Variants in ZNF678 observed in about 807,000 individuals in gnomAD.
The protein encoded by ZNF678 is hypothetical protein MGC42493.
In ZNF678, 5 loss-of-function variants were observed where a neutral mutation model predicts 3.0. The observed-to-expected ratio is 1.69, with a 90% CI of 0.88 to 3.56. ZNF678 has a LOEUF of 3.56. ZNF678 is among the 30% of genes most tolerant of loss of function. The probability of loss-of-function intolerance (pLI) is 0.00; values close to 1 mark genes in which losing one functional copy is unlikely to be tolerated. For missense variants in ZNF678, 593 were observed against 605.0 expected, an observed-to-expected ratio of 0.98 and a Z score of 0.21; for synonymous variants, 218 against 199.6, an observed-to-expected ratio of 1.09 and a Z score of -0.78.
At chr1:227,626,782 G>T (rs1353545281) in intron 1 of ZNF678, among the ~76,000 whole-genome samples, 1 of 152,026 alleles carries the variant, frequency 6.6e-6, no homozygotes, top group Non-Finnish European at 1.5e-5. Context: ...TCCGGGCTCA[G>T]TGTAAGTGAT....
chr1:227,630,179 C>T (rs6664682), intron 1 of ZNF678, among the ~76,000 whole-genome samples: 73,003 of 151,846 alleles, frequency 0.48, 18,702 homozygotes, highest in African/African-American at 0.66. Flanking sequence ...CAATGCCTCC[C>T]TTAGTCTCTC....
At position 227,594,201 on chromosome 1, in the gene ZNF678, C is replaced by G. The variant is rs1657501861; in HGVS notation, c.-164+30477C>G. Among the ~76,000 whole-genome samples the G allele has an allele frequency of 1.3e-5, 2 of 152,080 alleles. 1 individual carries two copies. Among genetic ancestry groups the G allele is most frequent in the South Asian group, 4.1e-4 (2 of 4,820 alleles). ...GCACCTATTTTTATTAGTTTTTAAA[C>G]CAAAGAAAGCCAGATACCATTTTAC... is the stretch of plus-strand genomic sequence containing the variant. On this transcript the variant is annotated intron_variant, in intron 1 of 3. Transcript: ENST00000343776.
intron 5 of ZNF678, among the ~76,000 whole-genome samples, chr1:227,672,577 C>T (rs536859086): frequency 7.9e-5 from 12 of 152,244 alleles, no homozygotes; most frequent in Admixed American, 2.6e-4. Context: ...AGGGTCAGGT[C>T]GGTCTGGTTC....
chr1:227,588,170 T>C (rs923310405), intron 1 of ZNF678, among the ~76,000 whole-genome samples: 48 of 152,194 alleles, frequency 3.2e-4, no homozygotes, highest in South Asian at 4.1e-4. Context: ...TCTCATTCCT[T>C]TTTATGGCTG....
In ZNF678 at chr1:227,638,006, A is replaced by G. The variant is rs1470195960; in HGVS notation, c.-163-8538A>G. 6.6e-6 allele frequency among the ~76,000 whole-genome samples: 1 copy of G among 152,128 alleles called. No individual in the cohort carries two copies. The highest frequency in any genetic ancestry group is 6.5e-5 in the Admixed American group (1 of 15,270). On this transcript the variant is annotated intron_variant, in intron 1 of 3. Transcript: ENST00000343776. This position sits in a 1 kb window ranked among gnomAD's most constrained non-coding sequence, Gnocchi z 4.2. ...TGTCGAAGTCTCTTTGGGAGGGGCT[A>G]CACAGGAGCAGATTGTTAACATATT...
rs1188669750 is a variant in ZNF678, at chr1:227,655,298, A to G, written c.1048A>G (p.Lys350Glu). ...AATTCATACTGGAGAGAAACCCTAC[A>G]AATGTGAAGAATGTGGCAGAACCTT... ...KRIHTGEKPY[K>E]CEECGRTFTQ... The change falls in exon 4 of 4, where the codon AAA becomes GAA. Residue 350 changes from lysine to glutamate, a missense_variant. Transcript: ENST00000343776. 6 of 1,611,156 alleles carry G rather than the reference A, an allele frequency of 3.7e-6. No individual in the cohort carries two copies. The highest frequency in any genetic ancestry group is 4.2e-6 in the Non-Finnish European group (5 of 1,178,272).
At chr1:227,623,601 A>T (rs1448022377) in intron 1 of ZNF678, among the ~76,000 whole-genome samples, 1 of 152,230 alleles carries the variant, frequency 6.6e-6, no homozygotes, top group Non-Finnish European at 1.5e-5. Flanking sequence ...TTGCATATAC[A>T]TAAACCATTT....
Position 227,659,945 on chromosome 1 carries a change from ACTAATTCCTCCTAG to A in ZNF678, c.*4122_*4135del, listed in dbSNP as rs1371006930. Reference sequence around the variant, plus strand: ...CTCTGCACTACAATAGGTCTCTTGAACTAATTCCTCCTAGCTAACAGGCATTGTTTATCATTTAA... The same window carrying A: ...CTCTGCACTACAATAGGTCTCTTGAACTAACAGGCATTGTTTATCATTTAA... On this transcript the variant is annotated 3_prime_UTR_variant, in exon 4 of 4. Coordinates refer to ENST00000343776, the MANE Select transcript of ZNF678 (RefSeq NM_001367909.1). 1.3e-5 allele frequency: 2 copies of A among 151,986 alleles called. No individual in the cohort carries two copies. Among genetic ancestry groups the A allele is most frequent in the Non-Finnish European group, 2.9e-5 (2 of 67,996 alleles). The allele number at this position is 151,986 out of a possible 1,614,324, so 9.4% of individuals were successfully genotyped here.
At chr1:227,653,544 A>G (rs1351728586) in intron 3 of ZNF678, among the ~76,000 whole-genome samples, 1 of 151,892 alleles carries the variant, frequency 6.6e-6, no homozygotes, top group Non-Finnish European at 1.5e-5. Flanking sequence ...CATATGTTGT[A>G]ATCTTTGGTT....
Position 227,660,107 on chromosome 1 carries a change from C to CT in ZNF678, c.*4282dup, listed in dbSNP as rs2102813389. Reference sequence around the variant, plus strand: ...GTGAGTGAGACCATGAGGTATTCATCTTTCTGTGTTCTGCTCCATTGGTCT... The same window carrying CT: ...GTGAGTGAGACCATGAGGTATTCATCTTTTCTGTGTTCTGCTCCATTGGTCT... On this transcript the variant is annotated 3_prime_UTR_variant, in exon 4 of 4. Coordinates refer to ENST00000343776, the MANE Select transcript of ZNF678 (RefSeq NM_001367909.1). 6.6e-6 allele frequency: 1 copy of CT among 152,190 alleles called. No homozygotes were observed. Among genetic ancestry groups the CT allele is most frequent in the South Asian group, 2.1e-4 (1 of 4,818 alleles). The allele number at this position is 152,190 out of a possible 1,614,324, so 9.4% of individuals were successfully genotyped here.
In ZNF678 at chr1:227,646,864, G is replaced by A. The variant is rs1433253184; in HGVS notation, c.-37+194G>A. The stretch of plus-strand genomic sequence containing the variant: ...GTTTCATCTTGACATAAATTTTAAG[G>A]TGGTCTAAATTCTTCACTCTAGATG... On this transcript the variant is annotated intron_variant, in intron 2 of 3. Coordinates refer to ENST00000343776, the MANE Select transcript of ZNF678 (RefSeq NM_001367909.1). 3.9e-5 allele frequency among the ~76,000 whole-genome samples: 6 copies of A among 152,148 alleles called. No individual in the cohort carries two copies. The East Asian group carries it at 1.2e-3, about 29-fold the overall frequency.
intron 1 of ZNF678, among the ~76,000 whole-genome samples, chr1:227,566,996 G>A (rs1397178794): frequency 6.6e-6 from 1 of 152,138 alleles, no homozygotes; most frequent in Non-Finnish European, 1.5e-5. Flanking sequence ...AGATTAATTG[G>A]TAAATTATAT....
At chr1:227,620,379 G>T (rs1658251218) in intron 1 of ZNF678, among the ~76,000 whole-genome samples, 1 of 152,092 alleles carries the variant, frequency 6.6e-6, no homozygotes, top group East Asian at 1.9e-4. Flanking sequence ...GTTTGTGTGT[G>T]TGTGTGTTGC....
chr1:227,596,518 C>G (rs1254068160), intron 1 of ZNF678, among the ~76,000 whole-genome samples: 1 of 152,198 alleles, frequency 6.6e-6, no homozygotes, highest in Non-Finnish European at 1.5e-5. Flanking sequence ...AGGTGTCTAT[C>G]TTTAACTACC....
Position 227,631,142 on chromosome 1 carries a change from A to G in ZNF678, c.-163-15402A>G, listed in dbSNP as rs551904734. Among the ~76,000 whole-genome samples the G allele has an allele frequency of 9.2e-5, 14 of 152,274 alleles. No individual in the cohort carries two copies. In the East Asian group the frequency reaches 1.7e-3, roughly 19 times the overall value. On this transcript the variant is annotated intron_variant, in intron 1 of 3. Coordinates refer to ENST00000343776, the MANE Select transcript of ZNF678 (RefSeq NM_001367909.1). Reference sequence around the variant, plus strand: ...TTTTGCCTTGGAGGGAACGTTTCCCATCTGAAAAAAGGACATAGGGATGCC... The same window carrying G: ...TTTTGCCTTGGAGGGAACGTTTCCCGTCTGAAAAAAGGACATAGGGATGCC...
chr1:227,652,939 A>G (rs564198259), intron 3 of ZNF678, among the ~76,000 whole-genome samples: 1 of 152,250 alleles, frequency 6.6e-6, no homozygotes, highest in East Asian at 1.9e-4. Context: ...TTTCTGTAGG[A>G]CAGTTGTACT....
At chr1:227,650,291 G>A (rs755658500) in intron 2 of ZNF678, among the ~76,000 whole-genome samples, 2 of 152,028 alleles carry the variant, frequency 1.3e-5, no homozygotes, top group Non-Finnish European at 2.9e-5. Flanking sequence ...TATTCTTGAC[G>A]CCCTTGTTAA....
chr1:227,580,066 C>T (rs1014530647), intron 1 of ZNF678, among the ~76,000 whole-genome samples: 12 of 152,160 alleles, frequency 7.9e-5, no homozygotes, highest in African/African-American at 2.4e-4. Flanking sequence ...GTTCCAGAGG[C>T]CTGTGAGAGT....
chr1:227,669,121 TAAAC>T (rs1328184026), intron 5 of ZNF678, among the ~76,000 whole-genome samples: 5 of 141,158 alleles, frequency 3.5e-5, no homozygotes, highest in Non-Finnish European at 7.7e-5. Flanking sequence ...ACTAACAGAG[TAAAC>T]AAACAACCTA....
Sources: allele counts gnomAD v4.1 joint callset (sites outside exome capture counted in the v4.1 genomes callset), GRCh38; gene constraint gnomAD v4.1.1; non-coding constraint Gnocchi (gnomAD v3.1); transcripts MANE v1.5; gene names NCBI Gene and HGNC (gene_info 2026-07-23, HGNC 2026-07-21).